Variants in SARDH observed in about 807,000 individuals in gnomAD.
SARDH encodes sarcosine dehydrogenase, mitochondrial.
A neutral mutation model predicts 109.1 loss-of-function variants in SARDH; 95 were observed. That is an observed-to-expected ratio of 0.87 (90% CI 0.74 to 1.03). The LOEUF (loss-of-function observed/expected upper bound fraction) is 1.03, where lower values mean the gene tolerates loss of function less well. SARDH is among the 50% of genes least tolerant of loss of function. SARDH has a pLI of 0.00. For missense variants in SARDH, 1,267 were observed against 1,287.8 expected, an observed-to-expected ratio of 0.98 and a Z score of 0.25; for synonymous variants, 572 against 534.8, an observed-to-expected ratio of 1.07 and a Z score of -0.96.
downstream of SARDH, among the ~76,000 whole-genome samples, chr9:133,659,595 G>C (rs1382657360): frequency 6.6e-6 from 1 of 152,198 alleles, no homozygotes; most frequent in East Asian, 1.9e-4. Flanking sequence ...CAGCCTCATG[G>C]GGAGAGAGGG....
Position 133,718,651 on chromosome 9 carries a change from G to C in SARDH, c.1020+287C>G. 1.3e-6 allele frequency: 1 copy of C among 779,220 alleles called. No individual in the cohort carries two copies. Among genetic ancestry groups the C allele is most frequent in the Non-Finnish European group, 2.4e-6 (1 of 417,938 alleles). The allele number at this position is 779,220 out of a possible 1,614,324, so 48.3% of individuals were successfully genotyped here. On this transcript the variant is annotated intron_variant, in intron 7 of 20. Coordinates refer to ENST00000439388, the MANE Select transcript of SARDH (RefSeq NM_001134707.2). This position sits in a 1 kb window ranked among gnomAD's most constrained non-coding sequence, Gnocchi z 4.2. ...TCATTTGCTGAAGGACGTAGGACTT[G>C]TGTGCTCTCATGCCCTTCTGAGGTC... is the stretch of plus-strand genomic sequence containing the variant.
At chr9:133,707,117 G>A (rs72761164) in intron 11 of SARDH, among the ~76,000 whole-genome samples, 8 of 152,320 alleles carry the variant, frequency 5.3e-5, no homozygotes, top group African/African-American at 9.6e-5. Flanking sequence ...AAACTTAAGC[G>A]GCTGTCAAGT....
intron 13 of SARDH, among the ~76,000 whole-genome samples, chr9:133,698,734 G>A (rs1333773175): frequency 1.3e-5 from 2 of 152,144 alleles, no homozygotes; most frequent in East Asian, 1.9e-4. Context: ...GCAAAAGAAC[G>A]TGGCTGGACC....
At position 133,703,006 on chromosome 9, in the gene SARDH, C is replaced by A. The variant is rs770382361; in HGVS notation, c.1578G>T (p.Gly526=). 9.9e-6 allele frequency: 16 copies of A among 1,613,464 alleles called. No individual in the cohort carries two copies. In the South Asian group the frequency reaches 1.4e-4, roughly 14 times the overall value. Residue 526 remains glycine (G), a synonymous_variant, in exon 13 of 21, where the codon GGG becomes GGT. Coordinates refer to ENST00000439388, the MANE Select transcript of SARDH (RefSeq NM_001134707.2). ...PAPVLEYDYY[G]AYGSRAHEDY... is the part of the protein sequence containing the mutation. ...CCTCGTGCGCGCGGCTCCCGTAAGC[C>A]CCGTAGTAGTCGTACTCGAGGACCT...
At chr9:133,661,096 T>G (rs1832406074), downstream of SARDH, among the ~76,000 whole-genome samples, 1 of 152,066 alleles carries the variant, frequency 6.6e-6, no homozygotes, top group Non-Finnish European at 1.5e-5. Context: ...TCCCAGCATT[T>G]TGGGAGACTG....
chr9:133,708,624 C>A (rs1339718619), intron 10 of SARDH, among the ~76,000 whole-genome samples, 196 bp from the exon 11 acceptor site: 1 of 152,162 alleles, frequency 6.6e-6, no homozygotes, highest in East Asian at 1.9e-4. Context: ...AGCCACCCCA[C>A]CCCAGTGGCC....
At chr9:133,679,864 C>T (rs760849038) in intron 17 of SARDH, among the ~76,000 whole-genome samples, 21 of 152,206 alleles carry the variant, frequency 1.4e-4, no homozygotes, top group African/African-American at 2.4e-4. Context: ...CTCTCGCACC[C>T]GGGGCCCGGG....
At chr9:133,696,930 TAATTAA>T (rs1257307944) in intron 13 of SARDH, among the ~76,000 whole-genome samples, 2 of 151,806 alleles carry the variant, frequency 1.3e-5, no homozygotes, top group East Asian at 3.9e-4. Context: ...AAAAAGAGCA[TAATTAA>T]ACCCAAAGCA....
At position 133,676,281 on chromosome 9, in the gene SARDH, A is replaced by G. The variant is rs1370206546; in HGVS notation, c.2164-4584T>C. Among the ~76,000 whole-genome samples, 3 of 152,222 alleles carry G rather than the reference A, an allele frequency of 2.0e-5. No homozygotes were observed. The East Asian group carries it at 5.8e-4, about 29-fold the overall frequency. ...GTCACAGAAGGACAAATCCTGTCTGATTCCACTCATATGAGGTCCCTGGAG... is the reference window on the plus strand; with the variant it reads ...GTCACAGAAGGACAAATCCTGTCTGGTTCCACTCATATGAGGTCCCTGGAG... On this transcript the variant is annotated intron_variant, in intron 17 of 20. Transcript: ENST00000439388.
In SARDH at chr9:133,670,584, T is replaced by C; in HGVS notation, c.2495A>G (p.Asp832Gly). The stretch of plus-strand genomic sequence containing the variant: ...GGGCGTGGAACAGCGGGATACTCAC[T>C]CCTCCATGGTGAAGCACACCAGGCG... Reference protein sequence around the residue: ...RRRLVCFTMEDKVPMFGLEAI... With the variant: ...RRRLVCFTMEGKVPMFGLEAI... Residue 832 changes from aspartate (D) to glycine (G), a missense_variant and splice_region_variant, in exon 19 of 21, where the codon GAC becomes GGC. Physicochemically the swap from Asp to Gly is moderately conservative, Grantham distance 94. Transcript: ENST00000439388. The C allele has an allele frequency of 1.3e-6, 2 of 1,570,980 alleles. No homozygotes were observed. The highest frequency in any genetic ancestry group is 1.7e-6 in the Non-Finnish European group (2 of 1,158,346).
intron 13 of SARDH, among the ~76,000 whole-genome samples, chr9:133,698,851 G>A (rs1588418777): frequency 6.6e-6 from 1 of 152,132 alleles, no homozygotes; most frequent in Non-Finnish European, 1.5e-5. Flanking sequence ...TTTTACCTTC[G>A]GTTAGGTTCT....
chr9:133,670,503 G>T, intron 19 of SARDH, 81 bp downstream of exon 19: 3 of 1,448,158 alleles, frequency 2.1e-6, no homozygotes, highest in Non-Finnish European at 2.8e-6. Context: ...CAGGGGCTTT[G>T]AGTGGGGGAC....
At chr9:133,734,319 C>T in intron 1 of SARDH, 116 bp from the exon 2 acceptor site, 1 of 524,300 alleles carries the variant, frequency 1.9e-6, no homozygotes, top group Non-Finnish European at 3.1e-6. Context: ...CCTCTTGCCA[C>T]TTCCCCATGG....
chr9:133,665,078 G>C lies in SARDH; in HGVS notation c.2632-1064C>G, dbSNP rs190359180. Among the ~76,000 whole-genome samples, 28 of 152,008 alleles carry C rather than the reference G, an allele frequency of 1.8e-4. 1 individual carries two copies. The East Asian group carries it at 3.5e-3, about 19-fold the overall frequency. On this transcript the variant is annotated intron_variant, in intron 20 of 20. Coordinates refer to ENST00000439388, the MANE Select transcript of SARDH (RefSeq NM_001134707.2). ...ACCAGCTCTGGGGTGAGGTGGGTGT[G>C]ACTGTAGCATTTGCCCATTTCCATG...
At chr9:133,699,582 C>T (rs1374514800) in intron 13 of SARDH, among the ~76,000 whole-genome samples, 1 of 152,140 alleles carries the variant, frequency 6.6e-6, no homozygotes, top group Non-Finnish European at 1.5e-5. Context: ...GACATCTCTC[C>T]ACAGAATATA....
At chr9:133,701,771 G>A (rs553702529) in intron 13 of SARDH, among the ~76,000 whole-genome samples, 24 of 152,278 alleles carry the variant, frequency 1.6e-4, no homozygotes, top group Non-Finnish European at 2.9e-4. Context: ...CCCCTCTTCC[G>A]ACGCCTTGAA....
downstream of SARDH, among the ~76,000 whole-genome samples, chr9:133,661,970 G>A (rs903462229): frequency 5.9e-5 from 9 of 152,286 alleles, no homozygotes; most frequent in South Asian, 4.1e-4. Flanking sequence ...TGTGGTCCCC[G>A]GGCGGTGCAC....
chr9:133,701,381 C>T (rs530885012), intron 13 of SARDH, among the ~76,000 whole-genome samples: 493 of 152,374 alleles, frequency 3.2e-3, no homozygotes, highest in Non-Finnish European at 5.1e-3. Context: ...GACAGGGCTC[C>T]CCTTTGTCGG....
intron 6 of SARDH, among the ~76,000 whole-genome samples, chr9:133,727,535 C>T (rs999464095): frequency 1.3e-5 from 2 of 152,234 alleles, no homozygotes; most frequent in Admixed American, 6.5e-5. Flanking sequence ...TCAGGGCCAG[C>T]GGCCTGGCTC....
Sources: allele counts gnomAD v4.1 joint callset (sites outside exome capture counted in the v4.1 genomes callset), GRCh38; gene constraint gnomAD v4.1.1; non-coding constraint Gnocchi (gnomAD v3.1); transcripts MANE v1.5; gene names NCBI Gene and HGNC (gene_info 2026-07-23, HGNC 2026-07-21).